The following TENM1 variants were observed in gnomAD, a reference collection of about 807,000 sequenced individuals.
The protein encoded by TENM1 is teneurin transmembrane protein 1.
In TENM1, 35 loss-of-function variants were observed where a neutral mutation model predicts 174.8. That is an observed-to-expected ratio of 0.20 (90% CI 0.15 to 0.27). TENM1 has a LOEUF of 0.27. TENM1 is among the 10% of genes least tolerant of loss of function. The probability of loss-of-function intolerance (pLI) is 1.00; values close to 1 mark genes in which losing one functional copy is unlikely to be tolerated. For synonymous variants in TENM1, 781 were observed against 798.7 expected, an observed-to-expected ratio of 0.98 and a Z score of 0.37; for missense variants, 1,633 against 2,130.1, an observed-to-expected ratio of 0.77 and a Z score of 4.59.
chrX:124,807,355 T>C (rs2055630181), intron 3 of TENM1, among the ~76,000 whole-genome samples: 2 of 112,124 alleles, frequency 1.8e-5, no homozygotes. Flanking sequence ...CAAGCTGTCC[T>C]TTAGTAATGA....
chrX:124,725,147 C>T (rs2053416586), intron 4 of TENM1, among the ~76,000 whole-genome samples: 1 of 111,012 alleles, frequency 9.0e-6, no homozygotes, highest in African/African-American at 3.3e-5. Flanking sequence ...TCTTTGACTC[C>T]TCTCCCCGTT....
At position 124,556,650 on chromosome X, in the gene TENM1, A is replaced by AT. The variant is rs905523008; in HGVS notation, c.2434+5020dup. On this transcript the variant is annotated intron_variant, in intron 14 of 31. Coordinates refer to ENST00000422452, the Ensembl canonical transcript of TENM1. Reference sequence around the variant, plus strand: ...TACAGTTCTGATTTGCCTCTTTCTAATTTTTTTTTGTTTCCTAATCTTAAA... The same window carrying AT: ...TACAGTTCTGATTTGCCTCTTTCTAATTTTTTTTTTGTTTCCTAATCTTAAA... Among the ~76,000 whole-genome samples, 4 of 109,035 alleles carry AT rather than the reference A, an allele frequency of 3.7e-5. No homozygotes were observed. The East Asian group carries it at 8.7e-4, about 24-fold the overall frequency. The allele number at this position is 109,035 out of a possible 115,157, so 94.7% of individuals were successfully genotyped here.
At chrX:124,836,466 A>AT (rs2056394240) in intron 3 of TENM1, among the ~76,000 whole-genome samples, 1 of 111,970 alleles carries the variant, frequency 8.9e-6, no homozygotes. Context: ...TAAAGTCTTG[A>AT]TTTTTTAGAA....
chrX:124,786,245 G>T (rs2055034495), intron 3 of TENM1, among the ~76,000 whole-genome samples: 1 of 111,431 alleles, frequency 9.0e-6, no homozygotes, highest in African/African-American at 3.2e-5. Flanking sequence ...CGAATAAATA[G>T]GTATTTGCTT....
intron 3 of TENM1, among the ~76,000 whole-genome samples, chrX:124,868,251 A>G (rs1603253562): frequency 8.9e-6 from 1 of 112,164 alleles, no homozygotes; most frequent in African/African-American, 3.2e-5. Context: ...TATAGTAACC[A>G]AAACAGCATG....
Position 124,625,576 on chromosome X carries a change from G to T in TENM1, c.2077+16215C>A, listed in dbSNP as rs540873025. ...ATTGGGTAATTCATAAACAAAAGAG[G>T]TTGAATTAGCTCACGGTTCTGCAAG... On this transcript the variant is annotated intron_variant, in intron 11 of 31. Transcript: ENST00000422452. Among the ~76,000 whole-genome samples the T allele has an allele frequency of 3.9e-4, 43 of 111,421 alleles. No individual in the cohort carries two copies. The South Asian group carries it at 0.016, about 41-fold the overall frequency.
At chrX:124,552,242 G>C (rs1225550183) in intron 14 of TENM1, among the ~76,000 whole-genome samples, 4 of 111,507 alleles carry the variant, frequency 3.6e-5, no homozygotes, top group African/African-American at 1.3e-4. Context: ...AGTCTTCTTA[G>C]GCATTTTAGA....
intron 18 of TENM1, among the ~76,000 whole-genome samples, chrX:124,511,440 T>A (rs183147021): frequency 9.0e-6 from 1 of 111,515 alleles, no homozygotes; most frequent in East Asian, 2.9e-4. Flanking sequence ...TTGAATTGGG[T>A]ACTCAGTAAG....
chrX:124,994,899 C>T, the TENM1 span, among the ~76,000 whole-genome samples: 1 of 111,099 alleles, frequency 9.0e-6, no homozygotes, highest in Non-Finnish European at 1.9e-5. Context: ...TGAAACTCTA[C>T]AAAGGCTTCC....
At chrX:124,392,578 A>G (rs2060294116) in intron 27 of TENM1, among the ~76,000 whole-genome samples, 1 of 111,657 alleles carries the variant, frequency 9.0e-6, no homozygotes, top group African/African-American at 3.3e-5. Context: ...TAGACTCTCA[A>G]TAGGTGGTTG....
chrX:125,146,000 A>G, the TENM1 span, among the ~76,000 whole-genome samples: 6 of 111,872 alleles, frequency 5.4e-5, no homozygotes, highest in South Asian at 2.2e-3. Context: ...ATACAAATAC[A>G]AGGTCAGTCT....
At chrX:124,518,572 G>GA (rs998630166) in intron 18 of TENM1, among the ~76,000 whole-genome samples, 9 of 111,132 alleles carry the variant, frequency 8.1e-5, no homozygotes, top group Admixed American at 5.8e-4. Flanking sequence ...ACAACAAAAT[G>GA]AAAAAAAGCA....
At chrX:124,621,974 A>T (rs2050530795) in intron 11 of TENM1, among the ~76,000 whole-genome samples, 1 of 112,122 alleles carries the variant, frequency 8.9e-6, no homozygotes, top group Non-Finnish European at 1.9e-5. Flanking sequence ...TGTAATTTGG[A>T]CTACTTAAAA....
chrX:124,935,151 C>A (rs1156234879), intron 1 of TENM1, among the ~76,000 whole-genome samples: 2 of 106,967 alleles, frequency 1.9e-5, no homozygotes, highest in Non-Finnish European at 3.8e-5. Flanking sequence ...GGACAGTTCA[C>A]TTCTCCCTGA....
chrX:124,640,159 T>C (rs969321972), intron 11 of TENM1, among the ~76,000 whole-genome samples: 3 of 111,095 alleles, frequency 2.7e-5, no homozygotes, highest in African/African-American at 9.8e-5. Context: ...TATAGATATA[T>C]ATGGTTTTTA....
At chrX:124,780,947 A>C (rs1159557491) in intron 3 of TENM1, among the ~76,000 whole-genome samples, 1 of 111,360 alleles carries the variant, frequency 9.0e-6, no homozygotes, top group Non-Finnish European at 1.9e-5. Context: ...GGTCACTTGT[A>C]CTGTTATTCC....
chrX:125,090,960 T>C, the TENM1 span, among the ~76,000 whole-genome samples: 2 of 111,792 alleles, frequency 1.8e-5, no homozygotes, highest in East Asian at 2.8e-4. Flanking sequence ...TTGTTCGCTA[T>C]GTTACATATT....
the TENM1 span, among the ~76,000 whole-genome samples, chrX:125,018,416 T>G: frequency 9.0e-6 from 1 of 111,595 alleles, no homozygotes; most frequent in African/African-American, 3.2e-5. Context: ...ATTAAAAAAT[T>G]TATGACATTA....
chrX:124,638,764 C>G lies in TENM1; in HGVS notation c.2077+3027G>C, dbSNP rs111823039. Among the ~76,000 whole-genome samples the G allele has an allele frequency of 1.4e-3, 161 of 111,799 alleles. 1 individual carries two copies. Among genetic ancestry groups the G allele is most frequent in the African/African-American group, 4.7e-3 (146 of 30,767 alleles). On this transcript the variant is annotated intron_variant, in intron 11 of 31. Transcript: ENST00000422452. ...GGATCTTCTGCAGATGCCTACAACA[C>G]AGCATGTCCACAACTGAGCTCACCA...
Sources: gnomAD v4.1 joint callset for allele counts (sites outside exome capture counted in the v4.1 genomes callset) on GRCh38, gnomAD v4.1.1 for gene constraint, MANE v1.5 for transcripts, NCBI Gene and HGNC (gene_info 2026-07-23, HGNC 2026-07-21) for gene names.